The following MGAT4C variants were observed in gnomAD, a reference collection of about 807,000 sequenced individuals.
The protein encoded by MGAT4C is MGAT4 family member C.
Under a neutral mutation model 40.1 loss-of-function variants are expected in MGAT4C, and 19 were observed. The ratio of observed to expected loss-of-function variants is 0.47; its 90% CI spans 0.33 to 0.70. The LOEUF (loss-of-function observed/expected upper bound fraction) is 0.70, where lower values mean the gene tolerates loss of function less well. Among genes scored for constraint, MGAT4C ranks in the 30% least tolerant of loss-of-function variants. MGAT4C has a pLI of 0.02. For synonymous variants in MGAT4C, 181 were observed against 187.1 expected, an observed-to-expected ratio of 0.97 and a Z score of 0.27; for missense variants, 491 against 563.2, an observed-to-expected ratio of 0.87 and a Z score of 1.30.
chr12:86,706,718 G>T (rs557766936), intron 2 of MGAT4C, among the ~76,000 whole-genome samples: 1 of 152,078 alleles, frequency 6.6e-6, no homozygotes, highest in Non-Finnish European at 1.5e-5. Flanking sequence ...AATGGCACAA[G>T]GGAAAAACAA....
intron 1 of MGAT4C, among the ~76,000 whole-genome samples, chr12:86,075,415 C>T (rs529831181): frequency 3.3e-5 from 5 of 152,238 alleles, no homozygotes; most frequent in African/African-American, 1.2e-4. Flanking sequence ...AGCTGCTTTC[C>T]CAGGCTGGCA....
intron 1 of MGAT4C, among the ~76,000 whole-genome samples, chr12:86,205,314 T>G (rs1015382007): frequency 1.0e-4 from 12 of 119,606 alleles, no homozygotes; most frequent in Non-Finnish European, 2.2e-4. Flanking sequence ...CTAAGTTTGA[T>G]TCTTGAAAAT....
chr12:86,233,949 T>C (rs1951430666), intron 1 of MGAT4C, among the ~76,000 whole-genome samples: 1 of 152,186 alleles, frequency 6.6e-6, no homozygotes, highest in Non-Finnish European at 1.5e-5. Flanking sequence ...ATATGTATTA[T>C]GTAATGGATT....
At position 86,767,849 on chromosome 12, in the gene MGAT4C, T is replaced by G. The variant is rs186047804; in HGVS notation, c.-261-40608A>C. On this transcript the variant is annotated intron_variant, in intron 1 of 7. Coordinates refer to the MGAT4C transcript ENST00000548651. ...TGCTAAAAACTCTCAGTAAATTAAG[T>G]ATTGATGGGACGTATCTCAAAATAA... 2.0e-5 allele frequency among the ~76,000 whole-genome samples: 3 copies of G among 152,292 alleles called. No individual in the cohort carries two copies. The East Asian group carries it at 5.8e-4, about 29-fold the overall frequency.
chr12:86,386,913 C>G (rs992765362), intron 3 of MGAT4C, among the ~76,000 whole-genome samples: 1 of 152,086 alleles, frequency 6.6e-6, no homozygotes. Flanking sequence ...GTTTGCATAG[C>G]TGACTAATAA....
At chr12:86,332,382 A>G (rs1566295608) in intron 4 of MGAT4C, among the ~76,000 whole-genome samples, 1 of 150,470 alleles carries the variant, frequency 6.6e-6, no homozygotes, top group Non-Finnish European at 1.5e-5. Context: ...TGAAGAACGG[A>G]TTTTTTTTTC....
intron 2 of MGAT4C, among the ~76,000 whole-genome samples, chr12:86,035,002 A>G (rs531367652): frequency 6.7e-6 from 1 of 150,126 alleles, no homozygotes; most frequent in East Asian, 1.9e-4. Context: ...AGTTGGTTCC[A>G]AGTCTTTGCT....
intron 1 of MGAT4C, among the ~76,000 whole-genome samples, chr12:86,775,369 A>C (rs1951732020): frequency 6.6e-6 from 1 of 151,396 alleles, no homozygotes; most frequent in Non-Finnish European, 1.5e-5. Context: ...GCTATGTATT[A>C]TACAAGCAAT....
At position 86,623,968 on chromosome 12, in the gene MGAT4C, T is replaced by A. The variant is rs73394940; in HGVS notation, c.-229+103241A>T. ...CATCCAAATAAGATTCAAGTTCTAC[T>A]AAAATTCTTGTCACCAGAGAATTTT... On this transcript the variant is annotated intron_variant, in intron 2 of 7. Coordinates refer to the MGAT4C transcript ENST00000548651. Among the ~76,000 whole-genome samples the A allele has an allele frequency of 3.3e-3, 498 of 152,304 alleles. 2 individuals carry two copies. Among genetic ancestry groups the A allele is most frequent in the African/African-American group, 0.012 (484 of 41,576 alleles).
chr12:86,231,822 CA>C (rs1951334939), intron 1 of MGAT4C, among the ~76,000 whole-genome samples: 1 of 152,070 alleles, frequency 6.6e-6, no homozygotes, highest in Non-Finnish European at 1.5e-5. Flanking sequence ...CTAACAAAGA[CA>C]AATGTCATTA....
At chr12:86,612,679 G>A (rs569505944) in intron 2 of MGAT4C, among the ~76,000 whole-genome samples, 1 of 149,068 alleles carries the variant, frequency 6.7e-6, no homozygotes, top group African/African-American at 2.5e-5. Flanking sequence ...AGCGAAGGCT[G>A]CAGTGAGAGG....
intron 3 of MGAT4C, among the ~76,000 whole-genome samples, chr12:86,386,097 A>G (rs1249544241): frequency 6.6e-6 from 1 of 151,890 alleles, no homozygotes; most frequent in Non-Finnish European, 1.5e-5. Flanking sequence ...CGTCTGGCTA[A>G]TTTTTTGTAT....
At chr12:86,341,645 T>C (rs1954906994) in intron 3 of MGAT4C, among the ~76,000 whole-genome samples, 1 of 152,210 alleles carries the variant, frequency 6.6e-6, no homozygotes, top group Admixed American at 6.5e-5. Context: ...CTCCCATCTT[T>C]GCTGTTCAGG....
chr12:86,750,080 T>C (rs1951211537), intron 1 of MGAT4C, among the ~76,000 whole-genome samples: 2 of 151,854 alleles, frequency 1.3e-5, no homozygotes, highest in South Asian at 4.1e-4. Context: ...TGTCAAAATT[T>C]AGACAAATGG....
In MGAT4C at chr12:86,497,264, A is replaced by G. The variant is rs963163883; in HGVS notation, c.-228-61999T>C. Among the ~76,000 whole-genome samples the G allele has an allele frequency of 3.8e-4, 58 of 151,936 alleles. 1 individual carries two copies. Among genetic ancestry groups the G allele is most frequent in the Non-Finnish European group, 1.5e-4 (10 of 67,910 alleles). On this transcript the variant is annotated intron_variant, in intron 2 of 7. Transcript: ENST00000548651. ...ACTAAGAAAATAATCCAAAGAATTA[A>G]CCAGTGATAAATTAGGCTCTTTGGA...
chr12:86,165,534 G>A (rs1025796748), intron 1 of MGAT4C, among the ~76,000 whole-genome samples: 2 of 152,104 alleles, frequency 1.3e-5, no homozygotes, highest in Non-Finnish European at 2.9e-5. Flanking sequence ...TTTAGGTGAA[G>A]CTTCACAATA....
intron 4 of MGAT4C, among the ~76,000 whole-genome samples, chr12:86,329,234 T>TA (rs1272233787): frequency 2.0e-5 from 3 of 152,022 alleles, no homozygotes; most frequent in Non-Finnish European, 4.4e-5. Flanking sequence ...AAACTTGCTC[T>TA]AATGCAACAA....
intron 1 of MGAT4C, among the ~76,000 whole-genome samples, chr12:86,201,315 C>G (rs955363131): frequency 2.6e-5 from 4 of 151,924 alleles, no homozygotes; most frequent in African/African-American, 9.7e-5. Flanking sequence ...TGTGCATCTA[C>G]TATAGACTAC....
chr12:85,999,583 G>GTATATATATA (rs67914292), intron 2 of MGAT4C, among the ~76,000 whole-genome samples: 84 of 122,972 alleles, frequency 6.8e-4, no homozygotes, highest in Middle Eastern at 3.9e-3. Flanking sequence ...GTGTGTGTGT[G>GTATATATATA]TATATATATA....
Sources: gnomAD v4.1 joint callset for allele counts (sites outside exome capture counted in the v4.1 genomes callset) on GRCh38, gnomAD v4.1.1 for gene constraint, MANE v1.5 for transcripts, NCBI Gene and HGNC (gene_info 2026-07-23, HGNC 2026-07-21) for gene names.